PTPRG: variants seen among roughly 807,000 people sequenced by gnomAD.
PTPRG encodes the protein receptor-type tyrosine-protein phosphatase gamma.
In PTPRG, 102 loss-of-function variants were observed where a neutral mutation model predicts 165.3. That is an observed-to-expected ratio of 0.62 (90% confidence interval 0.53 to 0.73). The LOEUF (loss-of-function observed/expected upper bound fraction) is 0.73. Ranked by LOEUF, PTPRG falls within the 30% of genes least tolerant of loss-of-function variation. The probability of loss-of-function intolerance (pLI) is 0.00; values close to 1 mark genes in which losing one functional copy is unlikely to be tolerated. For missense variants in PTPRG, 1,866 were observed against 1,861.4 expected, an observed-to-expected ratio of 1.00 and a Z score of -0.05; for synonymous variants, 675 against 669.5, an observed-to-expected ratio of 1.01 and a Z score of -0.13.
rs1700662455 is a variant in PTPRG at position 62,222,004 on chromosome 3, T to C, written c.2288+3021T>C. Among the ~76,000 whole-genome samples the C allele has an allele frequency of 6.6e-6, 1 of 152,222 alleles. No individual in the cohort carries two copies. The highest frequency in any genetic ancestry group is 1.5e-5 in the Non-Finnish European group (1 of 68,050). On this transcript the variant is annotated intron_variant, in intron 13 of 29. Coordinates refer to ENST00000474889, the MANE Select transcript of PTPRG (RefSeq NM_002841.4). The surrounding 1 kb of genome is among the most constrained non-coding windows in gnomAD (Gnocchi z 4.5). ...CAACTCATGTGATTCTCACAACAGA[T>C]CTGTACGGTAGGTACTATCACTGTC... is the stretch of plus-strand genomic sequence containing the variant.
chr3:61,714,838 A>G (rs1234872005), intron 1 of PTPRG, among the ~76,000 whole-genome samples: 2 of 152,180 alleles, frequency 1.3e-5, no homozygotes, highest in Non-Finnish European at 2.9e-5. Flanking sequence ...AAGTTACAAG[A>G]AGTATCTTGT....
In PTPRG at chr3:61,633,517, T is replaced by A. The variant is rs576917446; in HGVS notation, c.85+71145T>A. Among the ~76,000 whole-genome samples the A allele has an allele frequency of 7.9e-5, 12 of 152,328 alleles. No homozygotes were observed. In the South Asian group the frequency reaches 2.3e-3, roughly 29 times the overall value. Reference sequence around the variant, plus strand: ...TGCTAATGTATAAAAATACGATTGATTTTTTGTATATTTATCTTGTATCCT... The same window carrying A: ...TGCTAATGTATAAAAATACGATTGAATTTTTGTATATTTATCTTGTATCCT... On this transcript the variant is annotated intron_variant, in intron 1 of 29. Transcript: ENST00000474889.
intron 1 of PTPRG, chr3:61,742,477 C>A: frequency 6.3e-7 from 1 of 1,582,462 alleles, no homozygotes; most frequent in Non-Finnish European, 8.5e-7. Flanking sequence ...CTGGGGCTTG[C>A]CCATGGTGCT....
At chr3:61,867,174 C>T (rs935205384) in intron 2 of PTPRG, among the ~76,000 whole-genome samples, 2 of 152,126 alleles carry the variant, frequency 1.3e-5, no homozygotes, top group South Asian at 2.1e-4. Context: ...GCATTGATGG[C>T]GGCCCCACTG....
At position 62,297,379 on chromosome 3, in the gene PTPRG, T is replaced by G. The variant is rs1158442353; in HGVS notation, c.*4072T>G. 6.6e-6 allele frequency: 1 copy of G among 151,958 alleles called. No homozygotes were observed. The highest frequency in any genetic ancestry group is 1.5e-5 in the Non-Finnish European group (1 of 67,922). 9.4% of individuals were successfully genotyped at this position (151,958 alleles called of 1,614,324 possible). A position where few individuals can be genotyped will look rare whatever the true frequency, so the allele number is the denominator to read the frequency against. On this transcript the variant is annotated 3_prime_UTR_variant, in exon 30 of 30. Coordinates refer to ENST00000474889, the MANE Select transcript of PTPRG (RefSeq NM_002841.4). The stretch of plus-strand genomic sequence containing the variant: ...TTTCTTTTTAATTCCATTGACCATT[T>G]GTGCAATAGGAATTAGACATAATTA...
At chr3:62,034,522 A>C (rs1575917693) in intron 4 of PTPRG, among the ~76,000 whole-genome samples, 4 of 152,180 alleles carry the variant, frequency 2.6e-5, no homozygotes, top group Admixed American at 2.0e-4. Context: ...GCCATGTGTG[A>C]GTCTGTTGGT....
intron 2 of PTPRG, chr3:61,750,657 A>C (rs2033390540): frequency 6.6e-6 from 1 of 152,218 alleles, no homozygotes; most frequent in African/African-American, 2.4e-5. Flanking sequence ...CTTTGTTGCA[A>C]CTGCCCAACT....
chr3:62,132,112 T>G (rs766992151), intron 5 of PTPRG, among the ~76,000 whole-genome samples: 2 of 152,218 alleles, frequency 1.3e-5, no homozygotes, highest in African/African-American at 2.4e-5. Flanking sequence ...CTGCTTTCCA[T>G]AACTTTTAGA....
chr3:62,011,030 C>T lies in PTPRG; in HGVS notation c.519+7533C>T, dbSNP rs114542826. Reference sequence around the variant, plus strand: ...AGAAGGATCCTGAAAAAATGGTTTCCGGTTGCCCCCTTCCCAGTTGAATAC... The same window carrying T: ...AGAAGGATCCTGAAAAAATGGTTTCTGGTTGCCCCCTTCCCAGTTGAATAC... On this transcript the variant is annotated intron_variant, in intron 4 of 29. Coordinates refer to ENST00000474889, the MANE Select transcript of PTPRG (RefSeq NM_002841.4). 3.7e-3 allele frequency among the ~76,000 whole-genome samples: 566 copies of T among 152,224 alleles called. 3 individuals are homozygous for T. The highest frequency in any genetic ancestry group is 7.3e-3 in the Admixed American group (112 of 15,298).
At chr3:61,860,817 C>G (rs1438390095) in intron 2 of PTPRG, among the ~76,000 whole-genome samples, 1 of 151,980 alleles carries the variant, frequency 6.6e-6, no homozygotes, top group East Asian at 1.9e-4. Context: ...CAGAGAGGTC[C>G]CTTTTATACT....
chr3:61,880,708 A>G (rs1053642413), intron 2 of PTPRG, among the ~76,000 whole-genome samples: 1 of 152,078 alleles, frequency 6.6e-6, no homozygotes, highest in Admixed American at 6.5e-5. Flanking sequence ...AGCTAAAAGA[A>G]TGAGAACGTG....
At chr3:61,714,917 G>T (rs1209818565) in intron 1 of PTPRG, among the ~76,000 whole-genome samples, 1 of 152,134 alleles carries the variant, frequency 6.6e-6, no homozygotes, top group East Asian at 1.9e-4. Context: ...ATATATCACT[G>T]TCTTTTTCTT....
At chr3:61,886,791 A>C in intron 2 of PTPRG, among the ~76,000 whole-genome samples, 1 of 152,076 alleles carries the variant, frequency 6.6e-6, no homozygotes, top group Non-Finnish European at 1.5e-5. Context: ...TCTTCTTCCA[A>C]ATAGAAGGTT....
chr3:62,208,621 A>G (rs973947004), intron 12 of PTPRG, among the ~76,000 whole-genome samples: 1 of 152,102 alleles, frequency 6.6e-6, no homozygotes. Flanking sequence ...TGCATGGCCC[A>G]TGAGCTAAGA....
Position 61,671,841 on chromosome 3 carries a change from G to T in PTPRG, c.86-77037G>T, listed in dbSNP as rs1379612841. 1.0e-3 allele frequency among the ~76,000 whole-genome samples: 148 copies of T among 143,240 alleles called. 3 individuals are homozygous for T. The highest frequency in any genetic ancestry group is 3.6e-3 in the African/African-American group (138 of 37,902). The allele number at this position is 143,240 out of a possible 152,430, so 94.0% of individuals were successfully genotyped here. Reference sequence around the variant, plus strand: ...GGGCTCCTCACTTCCCAGTAGGGGCGGCCGGGCAGAGGCGCCCCTCACCTC... The same window carrying T: ...GGGCTCCTCACTTCCCAGTAGGGGCTGCCGGGCAGAGGCGCCCCTCACCTC... On this transcript the variant is annotated intron_variant, in intron 1 of 29. Transcript: ENST00000474889.
intron 2 of PTPRG, among the ~76,000 whole-genome samples, chr3:61,845,701 A>C (rs2036786900): frequency 6.6e-6 from 1 of 152,206 alleles, no homozygotes; most frequent in African/African-American, 2.4e-5. Context: ...AAGGTGAATC[A>C]CTTCGGAGAC....
At chr3:62,050,520 G>C (rs1700439123) in intron 4 of PTPRG, among the ~76,000 whole-genome samples, 1 of 152,204 alleles carries the variant, frequency 6.6e-6, no homozygotes, top group African/African-American at 2.4e-5. Context: ...AGTGACACTT[G>C]ACTGTCTAGA....
intron 16 of PTPRG, among the ~76,000 whole-genome samples, chr3:62,257,283 C>T (rs1170733209): frequency 1.3e-5 from 2 of 152,098 alleles, no homozygotes; most frequent in Non-Finnish European, 2.9e-5. Context: ...TAATAGGCTA[C>T]ATAAGAAGCT....
chr3:61,940,319 A>G (rs923424058), intron 2 of PTPRG, among the ~76,000 whole-genome samples: 10 of 152,112 alleles, frequency 6.6e-5, no homozygotes, highest in African/African-American at 2.4e-4. Context: ...ATGAAAAATA[A>G]CCTTTCCTAG....
Sources: gnomAD v4.1 joint callset for allele counts (sites outside exome capture counted in the v4.1 genomes callset) on GRCh38, gnomAD v4.1.1 for gene constraint, Gnocchi (gnomAD v3.1) non-coding constraint, MANE v1.5 for transcripts, NCBI Gene and HGNC (gene_info 2026-07-23, HGNC 2026-07-21) for gene names.